MED13L: variants seen among roughly 807,000 people sequenced by gnomAD.
MED13L encodes mediator of RNA polymerase II transcription subunit 13-like.
Under a neutral mutation model 220.9 loss-of-function variants are expected in MED13L, and 7 were observed. That is an observed-to-expected ratio of 0.03 (90% confidence interval 0.02 to 0.06). MED13L has a LOEUF of 0.06. MED13L is among the 10% of genes least tolerant of loss of function. MED13L has a pLI of 1.00. For missense variants in MED13L, 1,965 were observed against 2,760.5 expected, an observed-to-expected ratio of 0.71 and a Z score of 6.46; for synonymous variants, 1,011 against 1,015.2, an observed-to-expected ratio of 1.00 and a Z score of 0.08.
At chr12:116,073,083 G>A (rs909319402) in intron 4 of MED13L, among the ~76,000 whole-genome samples, 2 of 152,150 alleles carry the variant, frequency 1.3e-5, no homozygotes, top group African/African-American at 4.8e-5. Context: ...ACCATTCATT[G>A]TGAATATGTC....
chr12:116,037,340 C>T (rs1465618496), intron 4 of MED13L, among the ~76,000 whole-genome samples: 2 of 152,094 alleles, frequency 1.3e-5, no homozygotes, highest in Non-Finnish European at 2.9e-5. Flanking sequence ...GTTTTATGCA[C>T]AAAAATATTT....
At chr12:116,063,204 T>C (rs1869650474) in intron 4 of MED13L, among the ~76,000 whole-genome samples, 2 of 152,204 alleles carry the variant, frequency 1.3e-5, no homozygotes, top group African/African-American at 4.8e-5. Context: ...GAAGACCACT[T>C]TTTTGTACTG....
chr12:116,174,678 C>A (rs1382109919), intron 2 of MED13L: 1 of 152,158 alleles, frequency 6.6e-6, no homozygotes, highest in South Asian at 2.1e-4. Context: ...CTGCCAACAC[C>A]TATCTGAACA....
Position 115,980,758 on chromosome 12 carries a change from T to C in MED13L, c.5356A>G (p.Asn1786Asp). The change falls in exon 23 of 31, where the codon AAC becomes GAC. Residue 1786 changes from asparagine (N) to aspartate (D), a missense_variant. Asn to Asp is a conservative substitution (Grantham distance 23). Transcript: ENST00000281928. ...PAASIEMTLKNPERPSPIQLY... is the reference protein window; with the variant it reads ...PAASIEMTLKDPERPSPIQLY... ...GTCCTGCCAATACCTACCTCAGGGT[T>C]CTTGAGGGTCATCTCAATGCTGGCT... The C allele has an allele frequency of 6.2e-7, 1 of 1,614,120 alleles. No individual in the cohort carries two copies. The highest frequency in any genetic ancestry group is 1.3e-5 in the African/African-American group (1 of 75,056).
chr12:116,136,552 A>C (rs543205496), intron 2 of MED13L, among the ~76,000 whole-genome samples: 1 of 152,336 alleles, frequency 6.6e-6, no homozygotes, highest in East Asian at 1.9e-4. Context: ...AACAAGAGGA[A>C]ATGGTGGAAG....
At chr12:116,218,468 C>T (rs746053880) in intron 2 of MED13L, among the ~76,000 whole-genome samples, 5 of 152,156 alleles carry the variant, frequency 3.3e-5, no homozygotes, top group Non-Finnish European at 5.9e-5. Context: ...ATACCTAACA[C>T]CCCTTCACCC....
rs1246300335 is a variant in MED13L at position 115,975,377 on chromosome 12, TATA to T, written c.5589-67_5589-65del. On this transcript the variant is annotated intron_variant, in intron 24 of 30. Coordinates refer to ENST00000281928, the MANE Select transcript of MED13L (RefSeq NM_015335.5). The stretch of plus-strand genomic sequence containing the variant: ...AGATAAATCAGAGTTATTTATCACT[TATA>T]AGACAAACACTAGAAATTCCAAAGA... The T allele has an allele frequency of 1.9e-6, 3 of 1,611,180 alleles. No individual in the cohort carries two copies. In the Admixed American group the frequency reaches 5.0e-5, roughly 27 times the overall value.
intron 2 of MED13L, among the ~76,000 whole-genome samples, chr12:116,154,400 A>G (rs1878275469): frequency 6.6e-6 from 1 of 152,204 alleles, no homozygotes; most frequent in African/African-American, 2.4e-5. Flanking sequence ...ATGAAAACAT[A>G]GATTCAACTT....
intron 3 of MED13L, among the ~76,000 whole-genome samples, chr12:116,102,541 C>A (rs1383873138): frequency 6.6e-6 from 1 of 151,902 alleles, no homozygotes; most frequent in Non-Finnish European, 1.5e-5. Flanking sequence ...AGCCTCAAAG[C>A]CTTTTGCTCA....
chr12:116,179,846 G>C (rs1161500389), intron 2 of MED13L, among the ~76,000 whole-genome samples: 1 of 152,146 alleles, frequency 6.6e-6, no homozygotes, highest in African/African-American at 2.4e-5. Context: ...ATAATTAGTA[G>C]TTGTTTGCCC....
At chr12:116,019,508 A>G in intron 6 of MED13L, 96 bp from the exon 7 acceptor site, 2 of 1,401,372 alleles carry the variant, frequency 1.4e-6, no homozygotes, top group Middle Eastern at 1.8e-4. Flanking sequence ...TGAGATGCTC[A>G]TGAAGTACTG....
At chr12:116,055,922 C>G (rs1177957804) in intron 4 of MED13L, among the ~76,000 whole-genome samples, 1 of 151,770 alleles carries the variant, frequency 6.6e-6, no homozygotes, top group African/African-American at 2.4e-5. Context: ...AGAGAAAATG[C>G]CATGCATGAC....
chr12:116,061,514 T>C (rs1362398951), intron 4 of MED13L, among the ~76,000 whole-genome samples: 1 of 152,124 alleles, frequency 6.6e-6, no homozygotes, highest in Non-Finnish European at 1.5e-5. Flanking sequence ...GCCTACCTCA[T>C]AGATATATAA....
In MED13L at chr12:116,189,573, T is replaced by C. The variant is rs1881132722; in HGVS notation, c.310+47895A>G. On this transcript the variant is annotated intron_variant, in intron 2 of 30. Coordinates refer to ENST00000281928, the MANE Select transcript of MED13L (RefSeq NM_015335.5). ...CAGTTCTAAGAACTATAATCCTAGA[T>C]GCCAAAGATTTCTTTTTCCCAAAAG... Among the ~76,000 whole-genome samples, 3 of 152,326 alleles carry C rather than the reference T, an allele frequency of 2.0e-5. No homozygotes were observed. In the South Asian group the frequency reaches 6.2e-4, roughly 32 times the overall value.
chr12:116,119,838 A>AAAAAAT (rs1555213242), intron 2 of MED13L, among the ~76,000 whole-genome samples: 12 of 31,586 alleles, frequency 3.8e-4, no homozygotes, highest in Non-Finnish European at 6.1e-4. Context: ...AAAAAAAAAA[A>AAAAAAT]ATATATATAT....
intron 4 of MED13L, among the ~76,000 whole-genome samples, chr12:116,052,262 A>T (rs1868569994): frequency 1.3e-5 from 2 of 152,218 alleles, no homozygotes; most frequent in South Asian, 4.1e-4. Flanking sequence ...ATGACCTTAC[A>T]CACAGGATAG....
In MED13L at chr12:115,991,606, G is replaced by A. The variant is rs779708829; in HGVS notation, c.3348C>T (p.Ser1116=). 20 of 1,613,970 alleles carry A rather than the reference G, an allele frequency of 1.2e-5. No homozygotes were observed. Among genetic ancestry groups the A allele is most frequent in the East Asian group, 8.9e-5 (4 of 44,890 alleles). ...CTTTAAAGATATTCATCACGGAATC[G>A]GAGAGAATCAGGGTAACATAGAGGC... ...AHSLYVTLIL[S]DSVMNIFKDR... Residue 1116 remains serine, a synonymous_variant, in exon 17 of 31, where the codon TCC becomes TCT. Transcript: ENST00000281928. The surrounding 1 kb of genome is among the most constrained non-coding windows in gnomAD (Gnocchi z 7.7).
chr12:116,081,018 T>C (rs986377041), intron 4 of MED13L, among the ~76,000 whole-genome samples: 1 of 152,198 alleles, frequency 6.6e-6, no homozygotes, highest in African/African-American at 2.4e-5. Context: ...ACAATCCACA[T>C]TTCACTGTTC....
At chr12:116,027,608 T>A (rs1322190075) in intron 4 of MED13L, among the ~76,000 whole-genome samples, 2 of 152,126 alleles carry the variant, frequency 1.3e-5, no homozygotes, top group East Asian at 3.9e-4. Context: ...CCTATCCTTA[T>A]GCAGCGCTGC....
Sources: gnomAD v4.1 joint callset for allele counts (sites outside exome capture counted in the v4.1 genomes callset) on GRCh38, gnomAD v4.1.1 for gene constraint, Gnocchi (gnomAD v3.1) non-coding constraint, MANE v1.5 for transcripts, NCBI Gene and HGNC (gene_info 2026-07-23, HGNC 2026-07-21) for gene names.